The following SRSF6 variants were observed in gnomAD, a reference collection of about 807,000 sequenced individuals.
SRSF6 encodes the protein serine and arginine rich splicing factor 6.
SRSF6 carries 17 observed loss-of-function variants against 42.0 expected under a neutral mutation model. That is an observed-to-expected ratio of 0.40 (90% CI 0.28 to 0.61). The LOEUF (loss-of-function observed/expected upper bound fraction) is 0.61, where lower values mean the gene tolerates loss of function less well. SRSF6 is among the 20% of genes least tolerant of loss of function. The pLI, the probability that SRSF6 is intolerant of heterozygous loss-of-function variation, is 0.37. For synonymous variants in SRSF6, 204 were observed against 166.7 expected (o/e 1.22, Z -1.72); for missense variants, 379 against 471.4 (o/e 0.80, Z 1.81).
In SRSF6 at chr20:43,463,716, A is replaced by G. The variant is rs1000085717; in HGVS notation, c.*2653A>G. ...CCATTCCTGTCTTGAGTATGAGAAC[A>G]GGATCTTGTGTTCACTTACCCAGAA... On this transcript the variant is annotated 3_prime_UTR_variant, in exon 6 of 6. Transcript: ENST00000244020. 1.3e-5 allele frequency: 2 copies of G among 152,380 alleles called. No individual in the cohort carries two copies. Among genetic ancestry groups the G allele is most frequent in the African/African-American group, 4.8e-5 (2 of 41,472 alleles). The allele number at this position is 152,380 out of a possible 1,614,324, so 9.4% of individuals were successfully genotyped here. A position where few individuals can be genotyped will look rare whatever the true frequency, so the allele number is the denominator to read the frequency against.
chr20:43,459,521 T>G (rs2145322533), intron 2 of SRSF6: 2 of 1,331,258 alleles, frequency 1.5e-6, no homozygotes, highest in Non-Finnish European at 1.9e-6. Context: ...AAATAAAACT[T>G]AGCGAGGTAA....
rs1568900922 is a variant in SRSF6 at position 43,460,687 on chromosome 20, G to A, written c.675-16G>A. 6.2e-7 allele frequency: 1 copy of A among 1,612,340 alleles called. No individual in the cohort carries two copies. ...TTCTCACTAAGTATTGAGAAAATCGGTCTTTCCTTGTCCAGTTCCAGGTCG... is the reference window on the plus strand; with the variant it reads ...TTCTCACTAAGTATTGAGAAAATCGATCTTTCCTTGTCCAGTTCCAGGTCG... On this transcript the variant is annotated splice_polypyrimidine_tract_variant and intron_variant, in intron 5 of 5. Transcript: ENST00000244020.
chr20:43,460,299 A>G (rs1046925735), intron 4 of SRSF6, 58 bp downstream of exon 4: 31 of 1,568,224 alleles, frequency 2.0e-5, no homozygotes, highest in Non-Finnish European at 2.5e-5. Flanking sequence ...AAAAGGGAGT[A>G]ATTGAGTGAT....
chr20:43,460,611 G>A lies in SRSF6; in HGVS notation c.674+13G>A. ...AAAGTCGCTCCCGGTAAATAACGTT[G>A]TGTTGAGTCACTGTGAATATTACCG... On this transcript the variant is annotated intron_variant, in intron 5 of 5. Coordinates refer to ENST00000244020, the MANE Select transcript of SRSF6 (RefSeq NM_006275.6). The A allele has an allele frequency of 6.2e-7, 1 of 1,614,138 alleles. No homozygotes were observed. The highest frequency in any genetic ancestry group is 8.5e-7 in the Non-Finnish European group (1 of 1,179,990).
In SRSF6 at chr20:43,460,824, A is replaced by G; in HGVS notation, c.796A>G (p.Lys266Glu). 5.0e-6 allele frequency: 8 copies of G among 1,614,184 alleles called. No homozygotes were observed. Among genetic ancestry groups the G allele is most frequent in the Non-Finnish European group, 5.1e-6 (6 of 1,180,034 alleles). The change falls in exon 6 of 6, where the codon AAG becomes GAG. Residue 266 changes from lysine to glutamate, a missense_variant. Lys to Glu is a moderately conservative substitution (Grantham distance 56). Coordinates refer to ENST00000244020, the MANE Select transcript of SRSF6 (RefSeq NM_006275.6). ...GSHSHSRSRSKDEYEKSRSRS... is the reference protein window; with the variant it reads ...GSHSHSRSRSEDEYEKSRSRS... ...CCATTCACATTCTCGAAGCAGATCT[A>G]AGGATGAGTATGAGAAATCTCGAAG...
At chr20:43,460,444 A>AT in intron 4 of SRSF6, 71 bp from the exon 5 acceptor site, 1 of 1,533,312 alleles carries the variant, frequency 6.5e-7, no homozygotes, top group Non-Finnish European at 9.0e-7. Context: ...TGGCTTATCT[A>AT]TTTTTGCCAG....
At chr20:43,460,367 A>T (rs1441246948) in intron 4 of SRSF6, 126 bp downstream of exon 4, 1 of 1,344,146 alleles carries the variant, frequency 7.4e-7, no homozygotes, top group Non-Finnish European at 1.0e-6. Context: ...GCTGTGCATC[A>T]TTGCGTTCTT....
chr20:43,458,471 C>A lies in SRSF6; in HGVS notation c.218C>A (p.Pro73Gln), dbSNP rs2017535279. ...GTGATCGTAGAGCACGCCCGGGGCC[C>A]GCGTCGCGATCGCGACGGCTACAGC... is the stretch of plus-strand genomic sequence containing the variant. ...ERVIVEHARG[P>Q]RRDRDGYSYG... is the part of the protein sequence containing the mutation. The change falls in exon 2 of 6, where the codon CCG (proline) becomes CAG (glutamine). Residue 73 changes from proline to glutamine, a missense_variant. Transcript: ENST00000244020. 4 of 1,515,918 alleles carry A rather than the reference C, an allele frequency of 2.6e-6. No individual in the cohort carries two copies. The highest frequency in any genetic ancestry group is 2.7e-5 in the East Asian group (1 of 36,398). The allele number at this position is 1,515,918 out of a possible 1,614,324, so 93.9% of individuals were successfully genotyped here. A position where few individuals can be genotyped will look rare whatever the true frequency, so the allele number is the denominator to read the frequency against.
chr20:43,458,390 GCGACGCCGA>G lies in SRSF6; in HGVS notation c.146_154del (p.Asp49_Ala51del). ...GGCTTCGTGGAGTTCGAGGACTCCC[GCGACGCCGA>G]CGACGCCGTTTACGAGCTGAACGGC... On this transcript the variant is annotated inframe_deletion, in exon 2 of 6. Coordinates refer to ENST00000244020, the MANE Select transcript of SRSF6 (RefSeq NM_006275.6). 1 of 1,558,554 alleles carries G rather than the reference GCGACGCCGA, an allele frequency of 6.4e-7. No homozygotes were observed. Among genetic ancestry groups the G allele is most frequent in the Non-Finnish European group, 8.6e-7 (1 of 1,156,492 alleles).
At position 43,461,340 on chromosome 20, in the gene SRSF6, T is replaced by TTTTTTG. The variant is rs1568901676; in HGVS notation, c.*282_*283insGTTTTT. 7 of 19,826 alleles carry TTTTTTG rather than the reference T, an allele frequency of 3.5e-4. 1 individual carries two copies. The highest frequency in any genetic ancestry group is 3.0e-3 in the South Asian group (3 of 994). The allele number at this position is 19,826 out of a possible 1,614,324, so 1.2% of individuals were successfully genotyped here. On this transcript the variant is annotated 3_prime_UTR_variant, in exon 6 of 6. Transcript: ENST00000244020. ...AAGATTAAGCTCATTTAGTGTTGTTTTTTTTTTTTTTTTTTTTTTTTTTTT... is the reference window on the plus strand; with the variant it reads ...AAGATTAAGCTCATTTAGTGTTGTTTTTTTTGTTTTTTTTTTTTTTTTTTTTTTTTT...
chr20:43,464,161 A>G lies in SRSF6; in HGVS notation c.*3098A>G, dbSNP rs942770548. The G allele has an allele frequency of 1.3e-5, 2 of 152,210 alleles. No individual in the cohort carries two copies. The highest frequency in any genetic ancestry group is 4.8e-5 in the African/African-American group (2 of 41,456). The allele number at this position is 152,210 out of a possible 1,614,324, so 9.4% of individuals were successfully genotyped here. A position where few individuals can be genotyped will look rare whatever the true frequency, so the allele number is the denominator to read the frequency against. ...TTTTTCAGAACCAACAGTGTGAATA[A>G]TCCTTTCAGTTGTCTATCAGCATGA... On this transcript the variant is annotated 3_prime_UTR_variant, in exon 6 of 6. Transcript: ENST00000244020.
Position 43,462,073 on chromosome 20 carries a change from G to A in SRSF6, c.*1010G>A, listed in dbSNP as rs1344328490. On this transcript the variant is annotated 3_prime_UTR_variant, in exon 6 of 6. Coordinates refer to ENST00000244020, the MANE Select transcript of SRSF6 (RefSeq NM_006275.6). ...TATGTTTAACAGGCACTTAATCTCA[G>A]TAAAGTCAGTTGCCAGTTAAGTTCC... 1 of 152,214 alleles carries A rather than the reference G, an allele frequency of 6.6e-6. No homozygotes were observed. Among genetic ancestry groups the A allele is most frequent in the African/African-American group, 2.4e-5 (1 of 41,464 alleles). The allele number at this position is 152,214 out of a possible 1,614,324, so 9.4% of individuals were successfully genotyped here.
At chr20:43,458,254 G>T in intron 1 of SRSF6, 107 bp from the exon 2 acceptor site, 1 of 1,406,038 alleles carries the variant, frequency 7.1e-7, no homozygotes, top group Non-Finnish European at 9.3e-7. Context: ...CTCAAAGATG[G>T]CGACGGCGCG....
At chr20:43,460,359 T>G (rs2017563992) in intron 4 of SRSF6, 118 bp downstream of exon 4, 5 of 1,343,358 alleles carry the variant, frequency 3.7e-6, no homozygotes, top group Admixed American at 2.0e-5. Flanking sequence ...TTGTTTTGGC[T>G]GTGCATCATT....
At position 43,462,226 on chromosome 20, in the gene SRSF6, T is replaced by C. The variant is rs1046149785; in HGVS notation, c.*1163T>C. The C allele has an allele frequency of 3.9e-5, 6 of 152,228 alleles. No homozygotes were observed. Among genetic ancestry groups the C allele is most frequent in the African/African-American group, 1.4e-4 (6 of 41,458 alleles). 9.4% of individuals were successfully genotyped at this position (152,228 alleles called of 1,614,324 possible). A position where few individuals can be genotyped will look rare whatever the true frequency, so the allele number is the denominator to read the frequency against. ...GAAATGGGTAAACGCAAAACTTTTG[T>C]ACTTTATTACGAGTAAAGTGTAATG... On this transcript the variant is annotated 3_prime_UTR_variant, in exon 6 of 6. Coordinates refer to ENST00000244020, the MANE Select transcript of SRSF6 (RefSeq NM_006275.6).
rs577721204 is a variant in SRSF6 at position 43,460,284 on chromosome 20, C to T, written c.590+43C>T. On this transcript the variant is annotated intron_variant, in intron 4 of 5. Coordinates refer to ENST00000244020, the MANE Select transcript of SRSF6 (RefSeq NM_006275.6). Reference sequence around the variant, plus strand: ...ACTGTGGGAAGGAAACAATATTTGCCAATAAAAAGGGAGTAATTGAGTGAT... The same window carrying T: ...ACTGTGGGAAGGAAACAATATTTGCTAATAAAAAGGGAGTAATTGAGTGAT... The T allele has an allele frequency of 3.2e-5, 51 of 1,594,882 alleles. 2 individuals are homozygous for T. In the South Asian group the frequency reaches 5.6e-4, roughly 17 times the overall value.
rs752314687 is a variant in SRSF6 at position 43,461,852 on chromosome 20, T to A, written c.*789T>A. On this transcript the variant is annotated 3_prime_UTR_variant, in exon 6 of 6. Transcript: ENST00000244020. ...TTTTCAAAGGCAAATTTAAACTATT[T>A]AAGAAATAGCTCCTAATACTTGGGA... The A allele has an allele frequency of 1.2e-4, 19 of 152,312 alleles. No homozygotes were observed. Among genetic ancestry groups the A allele is most frequent in the Non-Finnish European group, 2.4e-4 (16 of 68,032 alleles). The allele number at this position is 152,312 out of a possible 1,614,324, so 9.4% of individuals were successfully genotyped here. A position where few individuals can be genotyped will look rare whatever the true frequency, so the allele number is the denominator to read the frequency against.
Position 43,458,030 on chromosome 20 carries a change from G to C in SRSF6, c.-4G>C. The stretch of plus-strand genomic sequence containing the variant: ...CAGCCCTTGGGTCCCCGCCCGCCAC[G>C]GACATGCCGCGCGTCTACATAGGAC... On this transcript the variant is annotated 5_prime_UTR_variant, in exon 1 of 6. Transcript: ENST00000244020. 4 of 1,610,636 alleles carry C rather than the reference G, an allele frequency of 2.5e-6. No homozygotes were observed. The highest frequency in any genetic ancestry group is 1.7e-6 in the Non-Finnish European group (2 of 1,178,674).
At position 43,458,342 on chromosome 20, in the gene SRSF6, G is replaced by A; in HGVS notation, c.108-19G>A. 6.5e-7 allele frequency: 1 copy of A among 1,532,740 alleles called. No homozygotes were observed. The highest frequency in any genetic ancestry group is 8.8e-7 in the Non-Finnish European group (1 of 1,142,588). 94.9% of individuals were successfully genotyped at this position (1,532,740 alleles called of 1,614,324 possible). ...CTAACGACTCCCCCGCGGTTGTCCG[G>A]CCCTCGCACCGCCCCTAGGTACGGC... On this transcript the variant is annotated intron_variant, in intron 1 of 5. Transcript: ENST00000244020.
Sources: gnomAD v4.1 joint callset for allele counts on GRCh38, gnomAD v4.1.1 for gene constraint, MANE v1.5 for transcripts, NCBI Gene and HGNC (gene_info 2026-07-23, HGNC 2026-07-21) for gene names.